ALDH1L1: variants seen among roughly 807,000 people sequenced by gnomAD.
The protein encoded by ALDH1L1 is cytosolic 10-formyltetrahydrofolate dehydrogenase.
A neutral mutation model predicts 101.1 loss-of-function variants in ALDH1L1; 68 were observed. That is an observed-to-expected ratio of 0.67 (90% CI 0.55 to 0.82). The LOEUF (loss-of-function observed/expected upper bound fraction) is 0.82, where lower values mean the gene tolerates loss of function less well. Ranked by LOEUF, ALDH1L1 falls within the 40% of genes least tolerant of loss-of-function variation. The probability of loss-of-function intolerance (pLI) is 0.00; values close to 1 mark genes in which losing one functional copy is unlikely to be tolerated. For synonymous variants in ALDH1L1, 486 were observed against 470.8 expected, an observed-to-expected ratio of 1.03 and a Z score of -0.42; for missense variants, 1,087 against 1,172.7, an observed-to-expected ratio of 0.93 and a Z score of 1.07.
At chr3:126,126,211 G>T (rs1200849911) in intron 14 of ALDH1L1, among the ~76,000 whole-genome samples, 5 of 152,176 alleles carry the variant, frequency 3.3e-5, no homozygotes, top group African/African-American at 1.2e-4. Context: ...AAGCCATGGT[G>T]CCCAGTGTCA....
upstream of ALDH1L1, chr3:126,180,915 GACTCACTC>G (rs748884597): frequency 1.2e-5 from 19 of 1,606,888 alleles, no homozygotes; most frequent in Non-Finnish European, 1.5e-5. Context: ...CCAAGCCGGT[GACTCACTC>G]ACTCGCTCAC....
chr3:126,146,858 C>A lies in ALDH1L1; in HGVS notation c.1053G>T (p.Gly351=). 1 of 1,614,104 alleles carries A rather than the reference C, an allele frequency of 6.2e-7. No individual in the cohort carries two copies. Among genetic ancestry groups the A allele is most frequent in the African/African-American group, 1.3e-5 (1 of 75,044 alleles). The part of the protein sequence containing the change: ...VEDSTDFFKS[G]AASVDVVRLV... Reference sequence around the variant, plus strand: ...ACCTCACAACGTCCACAGACGCGGCCCCTGACTTGAAGAAATCAGTGGAGT... The same window carrying A: ...ACCTCACAACGTCCACAGACGCGGCACCTGACTTGAAGAAATCAGTGGAGT... The change falls in exon 9 of 23, where the codon GGG becomes GGT. Residue 351 remains glycine, a synonymous_variant. Coordinates refer to ENST00000393434, the MANE Select transcript of ALDH1L1 (RefSeq NM_012190.4).
In ALDH1L1 at chr3:126,150,413, GC is replaced by G; in HGVS notation, c.976del (p.Ala326LeufsTer33). 6.4e-7 allele frequency: 1 copy of G among 1,551,244 alleles called. No homozygotes were observed. Among genetic ancestry groups the G allele is most frequent in the South Asian group, 1.2e-5 (1 of 84,046 alleles). On this transcript the variant is annotated frameshift_variant, in exon 8 of 23. Coordinates refer to ENST00000393434, the MANE Select transcript of ALDH1L1 (RefSeq NM_012190.4). LOFTEE classifies it high-confidence loss of function. Reference protein sequence around the residue: ...LTEAELVTAEAVRSVWQRILP... With the variant: ...LTEAELVTAEXVRSVWQRILP... ...CCTGAAGTTGCCTCTTACCCGCACA[GC>G]CTCCGCAGTAACCAGCTCTGCCTCT... is the stretch of plus-strand genomic sequence containing the variant.
At chr3:126,155,995 C>T (rs4234271) in intron 4 of ALDH1L1, 50,080 of 152,210 alleles carry the variant, frequency 0.33, 9,831 homozygotes, top group South Asian at 0.51. Flanking sequence ...TCTGGGCCCA[C>T]GTGAGCAAGA....
chr3:126,190,486 C>A (rs1025312238), intron 1 of ALDH1L1, among the ~76,000 whole-genome samples: 2 of 152,218 alleles, frequency 1.3e-5, no homozygotes, highest in Non-Finnish European at 2.9e-5. Context: ...GTCCACACTT[C>A]ACGCTGAATT....
intron 19 of ALDH1L1, among the ~76,000 whole-genome samples, chr3:126,112,395 C>T (rs1018358573): frequency 6.6e-6 from 1 of 152,198 alleles, no homozygotes; most frequent in South Asian, 2.1e-4. Context: ...CAGGCCCAGG[C>T]TGACCTGAGA....
At position 126,158,623 on chromosome 3, in the gene ALDH1L1, C is replaced by A. The variant is rs1419661090; in HGVS notation, c.144G>T (p.Lys48Asn). The A allele has an allele frequency of 8.1e-6, 13 of 1,612,708 alleles. No individual in the cohort carries two copies. Among genetic ancestry groups the A allele is most frequent in the Non-Finnish European group, 1.1e-5 (13 of 1,178,884 alleles). ...KADPLGLEAE[K>N]DGVPVFKYSR... ...AGTACTTGAATACCGGCACTCCATC[C>A]TTCTCAGCTTCCAGACCTGTGGGAC... The change falls in exon 3 of 23, where the codon AAG (lysine) becomes AAT (asparagine). Residue 48 changes from lysine to asparagine, a missense_variant. Around this residue, in one of 2 missense-constraint regions of ALDH1L1, gnomAD observed 645 missense variants for 637.0 expected, o/e 1.01. Coordinates refer to ENST00000393434, the MANE Select transcript of ALDH1L1 (RefSeq NM_012190.4).
At chr3:126,174,786 T>C (rs1220809753) in intron 1 of ALDH1L1, among the ~76,000 whole-genome samples, 1 of 152,132 alleles carries the variant, frequency 6.6e-6, no homozygotes, top group Admixed American at 6.5e-5. Context: ...ACTGAATGCA[T>C]ATATTATTAA....
Position 126,105,539 on chromosome 3 carries a change from C to G in ALDH1L1, c.2653+187G>C, listed in dbSNP as rs10934744. On this transcript the variant is annotated intron_variant, in intron 22 of 22. Transcript: ENST00000393434. ...CTTCTTGCCTTCTTCCCAGCACGAC[C>G]CCCCTCTGCAAGCATCTTGCTCACG... 7.2e-6 allele frequency: 5 copies of G among 692,944 alleles called. No homozygotes were observed. The Admixed American group carries it at 8.4e-5, about 12-fold the overall frequency. The allele number at this position is 692,944 out of a possible 1,614,324, so 42.9% of individuals were successfully genotyped here.
intron 1 of ALDH1L1, among the ~76,000 whole-genome samples, chr3:126,177,590 T>C (rs2081386348): frequency 6.6e-6 from 1 of 151,868 alleles, no homozygotes; most frequent in Non-Finnish European, 1.5e-5. Flanking sequence ...ACAGGAGAGT[T>C]TTAGGGCAGT....
intron 1 of ALDH1L1, among the ~76,000 whole-genome samples, chr3:126,188,320 G>A (rs564142194): frequency 6.6e-6 from 1 of 152,234 alleles, no homozygotes; most frequent in Non-Finnish European, 1.5e-5. Context: ...GTATGCAAAG[G>A]GCCAACTTTT....
intron 20 of ALDH1L1, 40 bp from the exon 21 acceptor site, chr3:126,107,286 G>A (rs745823581): frequency 9.9e-6 from 15 of 1,517,268 alleles, no homozygotes; most frequent in South Asian, 2.2e-5. Flanking sequence ...TGGGAGACAC[G>A]GTGCCCGATG....
chr3:126,136,034 A>G (rs545092165), intron 11 of ALDH1L1, among the ~76,000 whole-genome samples: 2 of 152,298 alleles, frequency 1.3e-5, no homozygotes, highest in South Asian at 4.1e-4. Context: ...GCCACAAGAC[A>G]GCCATGCCCC....
At chr3:126,114,504 T>C in intron 18 of ALDH1L1, 53 bp downstream of exon 18, 2 of 1,399,870 alleles carry the variant, frequency 1.4e-6, no homozygotes, top group Non-Finnish European at 1.9e-6. Flanking sequence ...TCCTGGTCCC[T>C]ACAGTCCCTG....
At chr3:126,137,249 G>C (rs890400110) in intron 10 of ALDH1L1, among the ~76,000 whole-genome samples, 12 of 152,254 alleles carry the variant, frequency 7.9e-5, no homozygotes, top group Admixed American at 2.0e-4. Context: ...CCTGAACCCA[G>C]GCACCTCTGG....
intron 14 of ALDH1L1, among the ~76,000 whole-genome samples, chr3:126,127,748 G>A (rs1021063947): frequency 2.6e-5 from 4 of 152,204 alleles, no homozygotes; most frequent in Non-Finnish European, 4.4e-5. Context: ...CTGGCACCGC[G>A]TGCAGGCACA....
intron 12 of ALDH1L1, among the ~76,000 whole-genome samples, chr3:126,134,888 G>A (rs1439663017): frequency 1.3e-5 from 2 of 152,094 alleles, no homozygotes; most frequent in African/African-American, 4.8e-5. Context: ...CTCCACCTCT[G>A]TGAGGGTGAC....
At chr3:126,178,947 AAAAT>A (rs1001579956) in intron 1 of ALDH1L1, among the ~76,000 whole-genome samples, 1 of 151,948 alleles carries the variant, frequency 6.6e-6, no homozygotes, top group Non-Finnish European at 1.5e-5. Context: ...CTGAAAAAAA[AAAAT>A]AAAAGAGTAT....
At chr3:126,182,398 C>T (rs1018660847), upstream of ALDH1L1, among the ~76,000 whole-genome samples, 2 of 152,204 alleles carry the variant, frequency 1.3e-5, no homozygotes, top group African/African-American at 4.8e-5. Context: ...GATGATCCAC[C>T]TACCTCAGCC....
Sources: allele counts gnomAD v4.1 joint callset (sites outside exome capture counted in the v4.1 genomes callset), GRCh38; gene constraint gnomAD v4.1.1; regional missense constraint gnomAD v4.1.1; transcripts MANE v1.5; gene names NCBI Gene and HGNC (gene_info 2026-07-23, HGNC 2026-07-21).